RHBDL3: variants seen among roughly 807,000 people sequenced by gnomAD.
The protein encoded by RHBDL3 is rhomboid-related protein 3.
A neutral mutation model predicts 48.2 loss-of-function variants in RHBDL3; 28 were observed. The ratio of observed to expected loss-of-function variants is 0.58; its 90% CI spans 0.43 to 0.80. The LOEUF (loss-of-function observed/expected upper bound fraction) is 0.80, where lower values mean the gene tolerates loss of function less well. Ranked by LOEUF, RHBDL3 falls within the 30% of genes least tolerant of loss-of-function variation. The pLI, the probability that RHBDL3 is intolerant of heterozygous loss-of-function variation, is 0.00. For missense variants in RHBDL3, 464 were observed against 542.7 expected, an observed-to-expected ratio of 0.85 and a Z score of 1.44; for synonymous variants, 208 against 232.3, an observed-to-expected ratio of 0.90 and a Z score of 0.95.
At chr17:32,319,183 G>C (rs182264047) in intron 8 of RHBDL3, among the ~76,000 whole-genome samples, 1 of 151,866 alleles carries the variant, frequency 6.6e-6, no homozygotes, top group South Asian at 2.1e-4. Context: ...AGCACTTTGG[G>C]AGGCCGAGGC....
At chr17:32,317,037 A>T (rs2040992727) in intron 8 of RHBDL3, among the ~76,000 whole-genome samples, 1 of 151,094 alleles carries the variant, frequency 6.6e-6, no homozygotes, top group Admixed American at 6.6e-5. Context: ...ACGCCCAGCT[A>T]CTTTTTTGTA....
intron 2 of RHBDL3, among the ~76,000 whole-genome samples, chr17:32,276,773 G>A (rs866073852): frequency 0.027 from 2,474 of 91,450 alleles, 9 homozygotes; most frequent in Non-Finnish European, 0.033. Flanking sequence ...TCCGGCCCTA[G>A]CACCTTACTC....
intron 2 of RHBDL3, among the ~76,000 whole-genome samples, chr17:32,279,760 T>G (rs575505108): frequency 2.0e-5 from 3 of 152,204 alleles, no homozygotes; most frequent in African/African-American, 7.2e-5. Flanking sequence ...TCTGCTTGAT[T>G]GATGGAGAAA....
chr17:32,269,996 C>T (rs2039732845), intron 2 of RHBDL3, among the ~76,000 whole-genome samples: 1 of 151,716 alleles, frequency 6.6e-6, no homozygotes, highest in Non-Finnish European at 1.5e-5. Context: ...AAGAGCATAC[C>T]CCTGCTTCTG....
At chr17:32,298,235 C>G (rs2040500984) in intron 6 of RHBDL3, 31 bp downstream of exon 6, 1 of 1,452,816 alleles carries the variant, frequency 6.9e-7, no homozygotes, top group African/African-American at 1.4e-5. Flanking sequence ...TCCACAAAGG[C>G]ACACTGCCCC....
At chr17:32,316,735 G>A (rs943029556) in intron 8 of RHBDL3, among the ~76,000 whole-genome samples, 1 of 152,034 alleles carries the variant, frequency 6.6e-6, no homozygotes, top group Non-Finnish European at 1.5e-5. Flanking sequence ...CCAGGCTGGT[G>A]TTGAACTCCT....
chr17:32,277,486 C>G (rs1414893363), intron 2 of RHBDL3, among the ~76,000 whole-genome samples: 1 of 152,222 alleles, frequency 6.6e-6, no homozygotes, highest in Non-Finnish European at 1.5e-5. Flanking sequence ...CAAATCCCAG[C>G]TCCAGCGGGG....
intron 7 of RHBDL3, among the ~76,000 whole-genome samples, chr17:32,306,155 G>A (rs1274058381): frequency 6.6e-6 from 1 of 152,124 alleles, no homozygotes; most frequent in African/African-American, 2.4e-5. Context: ...CAGGCACAGT[G>A]GCTCATGCCT....
intron 2 of RHBDL3, among the ~76,000 whole-genome samples, chr17:32,268,498 G>A (rs970253752): frequency 6.6e-6 from 1 of 152,194 alleles, no homozygotes; most frequent in African/African-American, 2.4e-5. Flanking sequence ...CATGGAGTTG[G>A]GGGTGCCAAG....
intron 7 of RHBDL3, among the ~76,000 whole-genome samples, chr17:32,309,213 TGTGA>T (rs1414685110): frequency 2.2e-5 from 3 of 133,372 alleles, no homozygotes; most frequent in African/African-American, 6.0e-5. Context: ...TGTGTGTGTG[TGTGA>T]GATACACAGT....
intron 4 of RHBDL3, 70 bp downstream of exon 4, chr17:32,289,086 G>C: frequency 8.2e-7 from 1 of 1,225,198 alleles, no homozygotes; most frequent in Non-Finnish European, 1.2e-6. Context: ...GGAGCCAAGA[G>C]GATGACACAC....
intron 2 of RHBDL3, among the ~76,000 whole-genome samples, chr17:32,279,634 T>C (rs2039995469): frequency 6.6e-6 from 1 of 152,202 alleles, no homozygotes; most frequent in Admixed American, 6.5e-5. Flanking sequence ...AAATAGAAGA[T>C]TGGCTGCCCT....
At chr17:32,267,842 T>A (rs1398369694) in intron 1 of RHBDL3, 60 bp from the exon 2 acceptor site, 11 of 1,613,448 alleles carry the variant, frequency 6.8e-6, no homozygotes, top group Admixed American at 1.7e-5. Context: ...ACCTTGGTGA[T>A]AAGTGTGTCT....
At position 32,265,889 on chromosome 17, in the gene RHBDL3, C is replaced by G. The variant is rs2039616411; in HGVS notation, c.-301C>G. 6.8e-6 allele frequency among the ~76,000 whole-genome samples: 1 copy of G among 146,926 alleles called. No homozygotes were observed. Among genetic ancestry groups the G allele is most frequent in the Non-Finnish European group, 1.5e-5 (1 of 65,874 alleles). On this transcript the variant is annotated 5_prime_UTR_variant, in exon 1 of 9. Transcript: ENST00000269051. The stretch of plus-strand genomic sequence containing the variant: ...GCGCGGGGAGCGGCGGGGCCGGGGC[C>G]GGCCCAAGGGCGCCCTCGCCTCGGA...
At chr17:32,286,398 G>A (rs1164706037) in intron 3 of RHBDL3, among the ~76,000 whole-genome samples, 2 of 152,114 alleles carry the variant, frequency 1.3e-5, no homozygotes, top group African/African-American at 4.8e-5. Context: ...GCAGACAAAG[G>A]GACTCACCAG....
intron 6 of RHBDL3, among the ~76,000 whole-genome samples, chr17:32,301,892 T>A (rs2040591843): frequency 8.6e-6 from 1 of 115,960 alleles, no homozygotes; most frequent in Admixed American, 8.1e-5. Flanking sequence ...AATTTTTATT[T>A]GGATTTTTTT....
At position 32,288,988 on chromosome 17, in the gene RHBDL3, G is replaced by T; in HGVS notation, c.491G>T (p.Trp164Leu). 6.2e-7 allele frequency: 1 copy of T among 1,614,150 alleles called. No homozygotes were observed. The highest frequency in any genetic ancestry group is 8.5e-7 in the Non-Finnish European group (1 of 1,180,010). The change falls in exon 4 of 9, where the codon TGG becomes TTG. Residue 164 changes from tryptophan (W) to leucine (L), a missense_variant. Transcript: ENST00000269051. ...YDSYTCCPPPWFMITVTLLEV... is the reference protein window; with the variant it reads ...YDSYTCCPPPLFMITVTLLEV... Reference sequence around the variant, plus strand: ...AGCTACACCTGCTGCCCCCCACCCTGGTTCATGATCACAGTCACGCTGCTG... The same window carrying T: ...AGCTACACCTGCTGCCCCCCACCCTTGTTCATGATCACAGTCACGCTGCTG...
chr17:32,316,869 A>G (rs1442562080), intron 8 of RHBDL3, among the ~76,000 whole-genome samples: 1 of 145,278 alleles, frequency 6.9e-6, no homozygotes, highest in African/African-American at 2.6e-5. Context: ...TATTTTATTT[A>G]TTTTATTTTA....
chr17:32,277,016 C>T (rs1395158488), intron 2 of RHBDL3, among the ~76,000 whole-genome samples: 1 of 152,206 alleles, frequency 6.6e-6, no homozygotes, highest in East Asian at 1.9e-4. Flanking sequence ...CGTGCCTGTG[C>T]TCATTTCCCA....
Sources: allele counts gnomAD v4.1 joint callset (sites outside exome capture counted in the v4.1 genomes callset), GRCh38; gene constraint gnomAD v4.1.1; transcripts MANE v1.5; gene names NCBI Gene and HGNC (gene_info 2026-07-23, HGNC 2026-07-21).